The following PLXDC2 variants were observed in gnomAD, a reference collection of about 807,000 sequenced individuals.
PLXDC2 encodes the protein plexin domain containing 2, also known as plexin domain-containing protein 2.
A neutral mutation model predicts 68.9 loss-of-function variants in PLXDC2; 40 were observed. That is an observed-to-expected ratio of 0.58 (90% CI 0.45 to 0.76). The LOEUF (loss-of-function observed/expected upper bound fraction) is 0.76. Ranked by LOEUF, PLXDC2 falls within the 30% of genes least tolerant of loss-of-function variation. PLXDC2 has a pLI of 0.00. For synonymous variants in PLXDC2, 243 were observed against 234.2 expected (o/e 1.04, Z -0.34); for missense variants, 644 against 661.9 (o/e 0.97, Z 0.30).
chr10:19,847,472 G>A (rs1428601522), intron 1 of PLXDC2, among the ~76,000 whole-genome samples: 1 of 152,166 alleles, frequency 6.6e-6, no homozygotes, highest in Non-Finnish European at 1.5e-5. Context: ...TAACTCAGCG[G>A]TTGCCCAAGT....
chr10:19,921,683 G>A (rs377618621), intron 1 of PLXDC2, among the ~76,000 whole-genome samples: 1 of 152,202 alleles, frequency 6.6e-6, no homozygotes, highest in Admixed American at 6.5e-5. Context: ...CATGGAGCCA[G>A]TGAGGCTACA....
intron 1 of PLXDC2, among the ~76,000 whole-genome samples, chr10:19,883,744 G>A (rs988124510): frequency 3.3e-5 from 5 of 151,842 alleles, no homozygotes; most frequent in Admixed American, 6.6e-5. Flanking sequence ...GAAAAATTCA[G>A]TTTAAGCATT....
At chr10:20,178,187 T>C (rs950547993) in intron 9 of PLXDC2, among the ~76,000 whole-genome samples, 2 of 152,144 alleles carry the variant, frequency 1.3e-5, no homozygotes, top group Non-Finnish European at 2.9e-5. Context: ...ATAGAACATG[T>C]GGTTTTGATG....
At chr10:20,152,392 A>AT (rs1834163897) in intron 6 of PLXDC2, among the ~76,000 whole-genome samples, 1 of 151,970 alleles carries the variant, frequency 6.6e-6, no homozygotes, top group Admixed American at 6.6e-5. Flanking sequence ...TAATTAAGTT[A>AT]TTTTTCCTGA....
At chr10:20,134,257 A>C (rs181428507) in intron 4 of PLXDC2, among the ~76,000 whole-genome samples, 1 of 152,138 alleles carries the variant, frequency 6.6e-6, no homozygotes, top group Non-Finnish European at 1.5e-5. Context: ...GGTTATCTTG[A>C]TGCTATCATG....
intron 9 of PLXDC2, 137 bp downstream of exon 9, chr10:20,177,546 C>T (rs1834543984): frequency 6.3e-6 from 2 of 318,260 alleles, no homozygotes; most frequent in South Asian, 2.1e-4. Context: ...AGGAGGGATG[C>T]TTGAACCCAG....
chr10:20,086,310 C>G (rs1833193257), intron 4 of PLXDC2, among the ~76,000 whole-genome samples: 1 of 151,932 alleles, frequency 6.6e-6, no homozygotes, highest in African/African-American at 2.4e-5. Flanking sequence ...TAGGCACAAG[C>G]CAGCACACCT....
chr10:19,851,708 G>C (rs1837121064), intron 1 of PLXDC2, among the ~76,000 whole-genome samples: 1 of 152,060 alleles, frequency 6.6e-6, no homozygotes, highest in African/African-American at 2.4e-5. Context: ...ACCATACCCA[G>C]CTAATTTTTT....
intron 4 of PLXDC2, among the ~76,000 whole-genome samples, chr10:20,096,897 GTC>G (rs1480059739): frequency 1.3e-5 from 2 of 151,896 alleles, no homozygotes; most frequent in East Asian, 3.9e-4. Context: ...TAAATGTAGG[GTC>G]TGTTTCTTTC....
intron 1 of PLXDC2, among the ~76,000 whole-genome samples, chr10:19,989,923 T>C (rs190143841): frequency 7.2e-5 from 11 of 152,082 alleles, no homozygotes; most frequent in Middle Eastern, 3.4e-3. Flanking sequence ...CTAATTTTTG[T>C]ATCTTTAGTA....
At chr10:19,817,445 C>T (rs1474048172) in intron 1 of PLXDC2, among the ~76,000 whole-genome samples, 1 of 152,132 alleles carries the variant, frequency 6.6e-6, no homozygotes, top group Non-Finnish European at 1.5e-5. Flanking sequence ...TACTGTCTCC[C>T]CAAAGTAGCC....
chr10:20,074,284 C>T (rs564268664), intron 4 of PLXDC2, among the ~76,000 whole-genome samples: 18 of 152,068 alleles, frequency 1.2e-4, no homozygotes, highest in Admixed American at 2.0e-4. Flanking sequence ...TCATTTGCTA[C>T]GTAAAAGATT....
At chr10:20,192,413 T>A (rs1834778669) in intron 9 of PLXDC2, among the ~76,000 whole-genome samples, 4 of 152,032 alleles carry the variant, frequency 2.6e-5, no homozygotes. Context: ...ATAATTGAGG[T>A]TATTGCAAAG....
chr10:20,156,322 T>G (rs1159016770), intron 6 of PLXDC2, among the ~76,000 whole-genome samples: 1 of 152,174 alleles, frequency 6.6e-6, no homozygotes, highest in Non-Finnish European at 1.5e-5. Context: ...TTTTACTCTG[T>G]GTATGTTTTT....
At chr10:19,931,570 A>G (rs1833634772) in intron 1 of PLXDC2, among the ~76,000 whole-genome samples, 1 of 152,210 alleles carries the variant, frequency 6.6e-6, no homozygotes, top group African/African-American at 2.4e-5. Flanking sequence ...AATGCCAGTA[A>G]TGATCACCGC....
chr10:20,077,359 C>A (rs1391404119), intron 4 of PLXDC2, among the ~76,000 whole-genome samples: 1 of 151,982 alleles, frequency 6.6e-6, no homozygotes, highest in Admixed American at 6.6e-5. Context: ...TAATACATTA[C>A]AGAAAACCAG....
At chr10:20,141,342 T>G (rs1834004617) in intron 4 of PLXDC2, among the ~76,000 whole-genome samples, 1 of 152,080 alleles carries the variant, frequency 6.6e-6, no homozygotes, top group South Asian at 2.1e-4. Flanking sequence ...TGCTCTTACA[T>G]TTTGCAACAG....
intron 2 of PLXDC2, among the ~76,000 whole-genome samples, chr10:20,019,272 T>C (rs1344618306): frequency 2.0e-5 from 3 of 152,234 alleles, no homozygotes; most frequent in Non-Finnish European, 4.4e-5. Context: ...TGATATCTTA[T>C]GCAAGACACT....
intron 12 of PLXDC2, among the ~76,000 whole-genome samples, chr10:20,223,283 A>T (rs955887695): frequency 4.0e-5 from 6 of 150,788 alleles, no homozygotes; most frequent in Non-Finnish European, 8.9e-5. Context: ...TAACAACATC[A>T]TGGTAGTCCT....
Sources: allele counts gnomAD v4.1 joint callset (sites outside exome capture counted in the v4.1 genomes callset), GRCh38; gene constraint gnomAD v4.1.1; transcripts MANE v1.5; gene names NCBI Gene and HGNC (gene_info 2026-07-23, HGNC 2026-07-21).